EMSY: variants seen among roughly 807,000 people sequenced by gnomAD.
The protein encoded by EMSY is BRCA2-interacting transcriptional repressor EMSY.
In EMSY, 26 loss-of-function variants were observed where a neutral mutation model predicts 134.6. The ratio of observed to expected loss-of-function variants is 0.19; its 90% CI spans 0.14 to 0.27. The LOEUF is 0.27. Ranked by LOEUF, EMSY falls within the 10% of genes least tolerant of loss-of-function variation. The pLI is 1.00. For missense variants in EMSY, 1,305 were observed against 1,611.4 expected, an observed-to-expected ratio of 0.81 and a Z score of 3.26; for synonymous variants, 579 against 577.8, an observed-to-expected ratio of 1.00 and a Z score of -0.03.
chr11:76,533,643 T>C (rs1951122796), intron 14 of EMSY, among the ~76,000 whole-genome samples: 1 of 152,184 alleles, frequency 6.6e-6, no homozygotes. Flanking sequence ...ATAGGAGATA[T>C]TCTTCCATAG....
chr11:76,544,413 G>A, exon 19 of EMSY: 3 of 1,614,086 alleles, frequency 1.9e-6, no homozygotes, highest in Non-Finnish European at 8.5e-7. Context: ...CAGAAACTTA[G>A]CCAGCCCCCG....
At chr11:76,501,143 G>T (rs1355537414) in intron 9 of EMSY, among the ~76,000 whole-genome samples, 2 of 152,110 alleles carry the variant, frequency 1.3e-5, no homozygotes, top group African/African-American at 4.8e-5. Flanking sequence ...TTTTACTGTT[G>T]TATTATTATT....
At chr11:76,479,743 G>C (rs1156791604) in intron 8 of EMSY, among the ~76,000 whole-genome samples, 1 of 152,174 alleles carries the variant, frequency 6.6e-6, no homozygotes, top group African/African-American at 2.4e-5. Flanking sequence ...ATGACCTGAA[G>C]AAACAAAAGG....
At position 76,545,668 on chromosome 11, in the gene EMSY, C is replaced by T. The variant is rs1011875262; in HGVS notation, c.3274-129C>T. ...TTCCTATCCAGCCCTCTTTTTAAAA[C>T]AGCAAGCTTCAAAACTGTCTTCCTA... On this transcript the variant is annotated intron_variant, in intron 19 of 20. Transcript: ENST00000334736. The T allele has an allele frequency of 4.3e-6, 5 of 1,173,462 alleles. No individual in the cohort carries two copies. The African/African-American group carries it at 7.8e-5, about 18-fold the overall frequency. The allele number at this position is 1,173,462 out of a possible 1,614,324, so 72.7% of individuals were successfully genotyped here.
At chr11:76,459,671 T>C (rs935964049) in intron 5 of EMSY, 24 of 386,258 alleles carry the variant, frequency 6.2e-5, no homozygotes, top group Non-Finnish European at 1.1e-4. Flanking sequence ...TTTTAAACTT[T>C]ATTTCTTTGT....
At chr11:76,497,780 A>G (rs961029894) in intron 9 of EMSY, among the ~76,000 whole-genome samples, 1 of 152,004 alleles carries the variant, frequency 6.6e-6, no homozygotes, top group African/African-American at 2.4e-5. Context: ...ATTTTTTAAG[A>G]ACTAGATTTT....
intron 9 of EMSY, among the ~76,000 whole-genome samples, chr11:76,505,640 G>T (rs1286171883): frequency 1.3e-5 from 2 of 149,288 alleles, no homozygotes; most frequent in Admixed American, 6.7e-5. Context: ...GGTGGATCAC[G>T]AGGTCAAGAG....
chr11:76,450,131 A>T (rs181475172), intron 2 of EMSY, among the ~76,000 whole-genome samples: 192 of 148,986 alleles, frequency 1.3e-3, no homozygotes, highest in Admixed American at 4.3e-3. Flanking sequence ...TCTACGCTAG[A>T]TGATGTATTT....
chr11:76,492,793 T>G (rs1359527019), intron 8 of EMSY, among the ~76,000 whole-genome samples: 2 of 152,102 alleles, frequency 1.3e-5, no homozygotes, highest in African/African-American at 2.4e-5. Flanking sequence ...ACTTAGAACC[T>G]AAGTGTGGGA....
chr11:76,535,888 A>G lies in EMSY; in HGVS notation c.2195-7A>G, dbSNP rs779065421. The stretch of plus-strand genomic sequence containing the variant: ...GGGTTTGTTTTTTTTTAACTAATAT[A>G]AAACAGATTCCCAGCCTGTAGTTCA... On this transcript the variant is annotated splice_polypyrimidine_tract_variant and splice_region_variant and intron_variant, in intron 14 of 20. Coordinates refer to ENST00000334736, the Ensembl canonical transcript of EMSY. 1.0e-5 allele frequency: 15 copies of G among 1,486,924 alleles called. No individual in the cohort carries two copies. Among genetic ancestry groups the G allele is most frequent in the African/African-American group, 1.4e-5 (1 of 70,166 alleles). 92.1% of individuals were successfully genotyped at this position (1,486,924 alleles called of 1,614,324 possible). A position where few individuals can be genotyped will look rare whatever the true frequency, so the allele number is the denominator to read the frequency against.
At position 76,479,987 on chromosome 11, in the gene EMSY, A is replaced by G. The variant is rs371247224; in HGVS notation, c.1108+7147A>G. On this transcript the variant is annotated intron_variant, in intron 8 of 20. Transcript: ENST00000334736. Reference sequence around the variant, plus strand: ...TGAATATTCAACAGGCCATTTGCAGAAATTTAAGAGGAGACACGACATTAC... The same window carrying G: ...TGAATATTCAACAGGCCATTTGCAGGAATTTAAGAGGAGACACGACATTAC... 3.9e-5 allele frequency among the ~76,000 whole-genome samples: 6 copies of G among 152,254 alleles called. 1 individual carries two copies. The highest frequency in any genetic ancestry group is 3.9e-4 in the Admixed American group (6 of 15,292).
chr11:76,534,306 T>G (rs1047509686), intron 14 of EMSY, among the ~76,000 whole-genome samples: 5 of 152,196 alleles, frequency 3.3e-5, no homozygotes, highest in African/African-American at 9.6e-5. Flanking sequence ...TCAATTCTCT[T>G]AAGTTTAAAT....
At chr11:76,475,637 C>T (rs754373175) in intron 8 of EMSY, among the ~76,000 whole-genome samples, 8 of 152,146 alleles carry the variant, frequency 5.3e-5, no homozygotes, top group Non-Finnish European at 1.0e-4. Flanking sequence ...TGTTTCTGTT[C>T]GAGATATTTA....
chr11:76,505,235 G>A (rs1950025204), intron 9 of EMSY, among the ~76,000 whole-genome samples: 1 of 152,154 alleles, frequency 6.6e-6, no homozygotes, highest in South Asian at 2.1e-4. Context: ...TGTAATCCCA[G>A]CACTTTGGGA....
At chr11:76,465,611 A>C (rs1044066890) in intron 7 of EMSY, among the ~76,000 whole-genome samples, 1 of 151,442 alleles carries the variant, frequency 6.6e-6, no homozygotes, top group African/African-American at 2.4e-5. Flanking sequence ...TTAAAAAAAA[A>C]AAAAGCATCC....
rs568736918 is a variant in EMSY at position 76,512,602 on chromosome 11, T to C, written c.1364-784T>C. Among the ~76,000 whole-genome samples, 7 of 151,678 alleles carry C rather than the reference T, an allele frequency of 4.6e-5. No individual in the cohort carries two copies. In the East Asian group the frequency reaches 9.7e-4, roughly 21 times the overall value. ...AAGAGCATGTTTATATAAAATTAAATGAATGCAGGCAGCAAGCTACACTTT... is the reference window on the plus strand; with the variant it reads ...AAGAGCATGTTTATATAAAATTAAACGAATGCAGGCAGCAAGCTACACTTT... On this transcript the variant is annotated intron_variant, in intron 9 of 20. Coordinates refer to ENST00000334736, the Ensembl canonical transcript of EMSY.
Position 76,531,790 on chromosome 11 carries a change from C to CA in EMSY, c.2194+3325dup, listed in dbSNP as rs1427702309. On this transcript the variant is annotated intron_variant, in intron 14 of 20. Coordinates refer to ENST00000334736, the Ensembl canonical transcript of EMSY. ...TTTGCACATTTAATAGTTGGCATTC[C>CA]ACTATAAGGAAAAATCAATCTTTTC... Among the ~76,000 whole-genome samples the CA allele has an allele frequency of 3.3e-5, 5 of 152,140 alleles. No individual in the cohort carries two copies. The South Asian group carries it at 6.2e-4, about 19-fold the overall frequency.
intron 17 of EMSY, among the ~76,000 whole-genome samples, chr11:76,541,296 C>T (rs967895546): frequency 1.3e-5 from 2 of 152,134 alleles, no homozygotes; most frequent in Admixed American, 6.5e-5. Flanking sequence ...TTCATGGGAC[C>T]TTTGTAGCAA....
chr11:76,459,878 A>G (rs1948035601), intron 5 of EMSY, 55 bp from the exon 7 acceptor site: 9 of 1,584,128 alleles, frequency 5.7e-6, no homozygotes, highest in Admixed American at 1.8e-5. Flanking sequence ...ATTTTTTTGT[A>G]TGCCTGGACA....
Sources: allele counts gnomAD v4.1 joint callset (sites outside exome capture counted in the v4.1 genomes callset), GRCh38; gene constraint gnomAD v4.1.1; transcripts MANE v1.5; gene names NCBI Gene and HGNC (gene_info 2026-07-23, HGNC 2026-07-21).